Variants in OR8B3 observed in about 807,000 individuals in gnomAD.
The protein encoded by OR8B3 is olfactory receptor family 8 subfamily B member 3.
For synonymous variants in OR8B3, 102 were observed against 135.4 expected (o/e 0.75, Z 1.71); for missense variants, 278 against 377.6 (o/e 0.74, Z 2.19).
chr11:124,399,571 A>G (rs1860954881), upstream of OR8B3, among the ~76,000 whole-genome samples: 1 of 152,186 alleles, frequency 6.6e-6, no homozygotes, highest in South Asian at 2.1e-4. Context: ...CTCTGTAGGT[A>G]GGAATTTGTG....
In OR8B3 at chr11:124,396,848, G is replaced by A. The variant is rs1436627804; in HGVS notation, c.504C>T (p.Phe168=). 5.0e-6 allele frequency: 8 copies of A among 1,610,328 alleles called. No homozygotes were observed. Among genetic ancestry groups the A allele is most frequent in the Non-Finnish European group, 6.8e-6 (8 of 1,177,716 alleles). The part of the protein sequence containing the change: ...AHTGCMLRLT[F]CSANIINHYL... ...AATGGTTGATGATATTAGCACTGCA[G>A]AAGGTGAGTCTAAGCATGCACCCGG... Residue 168 remains phenylalanine (F), a synonymous_variant, in exon 2 of 2, where the codon TTC becomes TTT. Transcript: ENST00000641139.
rs1237277179 is a variant in OR8B3 at position 124,395,599 on chromosome 11, AT to A, written c.*810del. 6.6e-6 allele frequency: 1 copy of A among 152,248 alleles called. No individual in the cohort carries two copies. Among genetic ancestry groups the A allele is most frequent in the Non-Finnish European group, 1.5e-5 (1 of 68,048 alleles). 9.4% of individuals were successfully genotyped at this position (152,248 alleles called of 1,614,324 possible). On this transcript the variant is annotated 3_prime_UTR_variant, in exon 2 of 2. Transcript: ENST00000641139. ...GTATTTACCTATAACGAGTAAAAAA[AT>A]AACATTTACAGTAGGAACTACACGC...
At chr11:124,399,023 GTCTC>G (rs1426624229) in exon 1 of OR8B3, 1 of 152,190 alleles carries the variant, frequency 6.6e-6, no homozygotes, top group Admixed American at 6.5e-5. Flanking sequence ...CCCCCAGTAA[GTCTC>G]TCTCAGGACC....
chr11:124,407,168 T>C, the OR8B3 span, among the ~76,000 whole-genome samples: 50 of 152,290 alleles, frequency 3.3e-4, no homozygotes, highest in East Asian at 6.6e-3. Flanking sequence ...AAACTTGTGA[T>C]CTACTACCAG....
At chr11:124,401,586 A>G (rs1036921657), upstream of OR8B3, among the ~76,000 whole-genome samples, 2 of 152,208 alleles carry the variant, frequency 1.3e-5, no homozygotes, top group African/African-American at 2.4e-5. Flanking sequence ...GTTTGGAATC[A>G]ATTTCACTTT....
Position 124,397,101 on chromosome 11 carries a change from T to G in OR8B3, c.251A>C (p.Asn84Thr). The change falls in exon 2 of 2, where the codon AAC becomes ACC. Residue 84 changes from asparagine (N) to threonine (T), a missense_variant. Coordinates refer to ENST00000641139, the MANE Select transcript of OR8B3 (RefSeq NM_001005467.2). Reference protein sequence around the residue: ...SSVFTPKMLMNFVSKKNIISY... With the variant: ...SSVFTPKMLMTFVSKKNIISY... ...GATAATATTCTTTTTTGATACAAAGTTCATTAGCATTTTGGGAGTGAAAAC... is the reference window on the plus strand; with the variant it reads ...GATAATATTCTTTTTTGATACAAAGGTCATTAGCATTTTGGGAGTGAAAAC... 6.2e-7 allele frequency: 1 copy of G among 1,613,752 alleles called. No homozygotes were observed. The highest frequency in any genetic ancestry group is 8.5e-7 in the Non-Finnish European group (1 of 1,179,836).
the OR8B3 span, among the ~76,000 whole-genome samples, chr11:124,407,198 G>A: frequency 1.3e-5 from 2 of 152,240 alleles, no homozygotes; most frequent in South Asian, 2.1e-4. Context: ...TTAATGGGAT[G>A]TCCTCTAGCT....
chr11:124,398,795 G>T lies in OR8B3; in HGVS notation c.-123C>A, dbSNP rs1326394079. The T allele has an allele frequency of 6.6e-6, 1 of 152,202 alleles. No homozygotes were observed. The highest frequency in any genetic ancestry group is 1.5e-5 in the Non-Finnish European group (1 of 68,034). 9.4% of individuals were successfully genotyped at this position (152,202 alleles called of 1,614,324 possible). A position where few individuals can be genotyped will look rare whatever the true frequency, so the allele number is the denominator to read the frequency against. On this transcript the variant is annotated 5_prime_UTR_variant, in exon 1 of 2. Transcript: ENST00000641139. ...AAGGTATCTATGTTGATCAGATGTA[G>T]TCACAGAATCTTCTTCTCCCTTGAC...
chr11:124,401,357 C>T (rs529123410), upstream of OR8B3, among the ~76,000 whole-genome samples: 3 of 152,214 alleles, frequency 2.0e-5, no homozygotes, highest in East Asian at 1.9e-4. Context: ...TTACAGGTCT[C>T]GTCTCTTAAT....
At chr11:124,403,980 G>GCGC (rs1014596236), upstream of OR8B3, among the ~76,000 whole-genome samples, 8 of 152,308 alleles carry the variant, frequency 5.3e-5, no homozygotes, top group Non-Finnish European at 1.0e-4. Context: ...AGGCGTGGCG[G>GCGC]CGCGCGCCTG....
upstream of OR8B3, among the ~76,000 whole-genome samples, chr11:124,400,085 T>A (rs1860965403): frequency 6.6e-6 from 1 of 152,176 alleles, no homozygotes; most frequent in Admixed American, 6.5e-5. Context: ...GGTCTTGAAC[T>A]CCTGGGATCA....
the OR8B3 span, chr11:124,404,414 A>G: frequency 2.6e-5 from 4 of 152,338 alleles, 1 homozygote; most frequent in African/African-American, 9.6e-5. Flanking sequence ...GTAACCCACA[A>G]AACATGAAGA....
chr11:124,407,233 A>G, the OR8B3 span, among the ~76,000 whole-genome samples: 2 of 152,128 alleles, frequency 1.3e-5, no homozygotes, highest in Admixed American at 1.3e-4. Context: ...ACATTTTGAG[A>G]TCTCTTGTCA....
rs1390451449 is a variant in OR8B3, at chr11:124,396,199, C to T, written c.*211G>A. 1 of 521,062 alleles carries T rather than the reference C, an allele frequency of 1.9e-6. No individual in the cohort carries two copies. Among genetic ancestry groups the T allele is most frequent in the African/African-American group, 1.9e-5 (1 of 51,742 alleles). The allele number at this position is 521,062 out of a possible 1,614,324, so 32.3% of individuals were successfully genotyped here. A position where few individuals can be genotyped will look rare whatever the true frequency, so the allele number is the denominator to read the frequency against. On this transcript the variant is annotated 3_prime_UTR_variant, in exon 2 of 2. Coordinates refer to ENST00000641139, the MANE Select transcript of OR8B3 (RefSeq NM_001005467.2). The stretch of plus-strand genomic sequence containing the variant: ...AATATCAGTGCATATGTTCCTTTTA[C>T]AAAGATGCCATGACCTATTTAGTAA...
chr11:124,399,943 C>T (rs192048067), upstream of OR8B3, among the ~76,000 whole-genome samples: 1 of 151,292 alleles, frequency 6.6e-6, no homozygotes, highest in East Asian at 1.9e-4. Flanking sequence ...TTACTGCAGC[C>T]TCAACCTCCC....
intron 1 of OR8B3, among the ~76,000 whole-genome samples, chr11:124,398,400 T>C (rs199739139): frequency 8.5e-5 from 13 of 152,242 alleles, no homozygotes; most frequent in East Asian, 5.8e-4. Flanking sequence ...AAACTGGTAT[T>C]TTTATGACCC....
chr11:124,406,988 G>A, the OR8B3 span, among the ~76,000 whole-genome samples: 2 of 151,994 alleles, frequency 1.3e-5, no homozygotes, highest in Non-Finnish European at 2.9e-5. Flanking sequence ...TTTCCATGAA[G>A]CAAATGTTTT....
upstream of OR8B3, among the ~76,000 whole-genome samples, chr11:124,401,622 A>G (rs1377399027): frequency 1.3e-5 from 2 of 152,228 alleles, no homozygotes; most frequent in African/African-American, 2.4e-5. Context: ...CAAAATAACA[A>G]AGAAGCTCTA....
Position 124,396,296 on chromosome 11 carries a change from C to T in OR8B3, c.*114G>A. ...TGATTTCATAAGAGAAATGATAAGA[C>T]AAGTTTATTAAATCACACATAACAC... On this transcript the variant is annotated 3_prime_UTR_variant, in exon 2 of 2. Coordinates refer to ENST00000641139, the MANE Select transcript of OR8B3 (RefSeq NM_001005467.2). The T allele has an allele frequency of 2.1e-6, 2 of 941,688 alleles. No individual in the cohort carries two copies. The highest frequency in any genetic ancestry group is 3.1e-6 in the Non-Finnish European group (2 of 653,296). 58.3% of individuals were successfully genotyped at this position (941,688 alleles called of 1,614,324 possible).
Sources: allele counts gnomAD v4.1 joint callset (sites outside exome capture counted in the v4.1 genomes callset), GRCh38; gene constraint gnomAD v4.1.1; transcripts MANE v1.5; gene names NCBI Gene and HGNC (gene_info 2026-07-23, HGNC 2026-07-21).